The following EVL variants were observed in gnomAD, a reference collection of about 807,000 sequenced individuals.
EVL encodes the protein Enah/Vasp-like.
EVL carries 21 observed loss-of-function variants against 59.6 expected under a neutral mutation model. The ratio of observed to expected loss-of-function variants is 0.35; its 90% CI spans 0.25 to 0.51. The LOEUF is 0.51. Among genes scored for constraint, EVL ranks in the 20% least tolerant of loss-of-function variants. EVL has a pLI of 0.97. For missense variants in EVL, 462 were observed against 546.6 expected (o/e 0.85, Z 1.54); for synonymous variants, 198 against 203.5 (o/e 0.97, Z 0.23).
intron 1 of EVL, among the ~76,000 whole-genome samples, chr14:99,993,141 T>C (rs1473796177): frequency 1.4e-5 from 2 of 146,830 alleles, no homozygotes; most frequent in Non-Finnish European, 3.0e-5. Flanking sequence ...CACTGCAACC[T>C]CTGCCTGCCA....
intron 3 of EVL, among the ~76,000 whole-genome samples, chr14:100,115,057 C>A (rs1287578594): frequency 2.0e-5 from 3 of 147,374 alleles, no homozygotes; most frequent in Admixed American, 6.7e-5. Context: ...AAAAAAAAAA[C>A]AATGCAGTTA....
chr14:100,069,677 A>G (rs72711923), intron 1 of EVL, among the ~76,000 whole-genome samples: 2,716 of 152,266 alleles, frequency 0.018, 35 homozygotes, highest in Non-Finnish European at 0.027. Context: ...TCTAGTTGAG[A>G]AACATTCCTC....
chr14:99,998,676 AT>A (rs796902314), intron 1 of EVL, among the ~76,000 whole-genome samples: 55 of 152,146 alleles, frequency 3.6e-4, no homozygotes, highest in African/African-American at 1.1e-3. Context: ...ATGATTCCAA[AT>A]TTTTTTTATA....
upstream of EVL, among the ~76,000 whole-genome samples, chr14:100,063,711 C>T (rs1467075537): frequency 6.6e-6 from 1 of 152,176 alleles, no homozygotes; most frequent in East Asian, 1.9e-4. Flanking sequence ...ACCACCATGA[C>T]CTAATTGACA....
At chr14:99,993,762 C>T (rs1165434201) in intron 1 of EVL, among the ~76,000 whole-genome samples, 1 of 137,124 alleles carries the variant, frequency 7.3e-6, no homozygotes, top group Non-Finnish European at 1.5e-5. Context: ...GCGCAGTCTT[C>T]CCTCACTGCA....
Position 100,104,043 on chromosome 14 carries a change from G to A in EVL, c.358+6385G>A, listed in dbSNP as rs989957253. On this transcript the variant is annotated intron_variant, in intron 3 of 13. Transcript: ENST00000392920. ...TGCCCCAGTCGCCTGACCTGTACCT[G>A]CCCGTTGGTTGTTCTGAGGACTAAC... Among the ~76,000 whole-genome samples, 7 of 152,188 alleles carry A rather than the reference G, an allele frequency of 4.6e-5. No homozygotes were observed. In the East Asian group the frequency reaches 1.2e-3, roughly 25 times the overall value.
chr14:100,001,189 A>G (rs1359727941), intron 1 of EVL, among the ~76,000 whole-genome samples: 1 of 152,174 alleles, frequency 6.6e-6, no homozygotes, highest in Non-Finnish European at 1.5e-5. Flanking sequence ...TTTTCTTCTG[A>G]AGTTTAGTTG....
At chr14:100,036,196 C>T (rs563397815) in intron 1 of EVL, among the ~76,000 whole-genome samples, 34 of 152,256 alleles carry the variant, frequency 2.2e-4, no homozygotes, top group African/African-American at 8.2e-4. Context: ...AATCAAATGC[C>T]TGATGATCTG....
chr14:99,976,031 TTTTG>T (rs1394673552), intron 1 of EVL, among the ~76,000 whole-genome samples: 2 of 152,026 alleles, frequency 1.3e-5, no homozygotes, highest in Non-Finnish European at 2.9e-5. Context: ...TAAATTTCTT[TTTTG>T]TTTTTTATTT....
intron 6 of EVL, among the ~76,000 whole-genome samples, 188 bp from the exon 7 acceptor site, chr14:100,129,375 C>A (rs1283563982): frequency 1.3e-5 from 2 of 152,086 alleles, no homozygotes; most frequent in Non-Finnish European, 2.9e-5. Context: ...GGTCCTTGTC[C>A]CTCTCTCGAT....
intron 6 of EVL, 37 bp from the exon 7 acceptor site, chr14:100,129,523 TCAG>T: frequency 6.2e-7 from 1 of 1,611,184 alleles, no homozygotes; most frequent in Non-Finnish European, 8.5e-7. Context: ...TGTTCTGCCA[TCAG>T]CAGCAGAATC....
chr14:100,050,330 T>G (rs2061625899), intron 1 of EVL, among the ~76,000 whole-genome samples: 1 of 148,946 alleles, frequency 6.7e-6, no homozygotes, highest in Non-Finnish European at 1.5e-5. Context: ...TTTTAAAAAT[T>G]TGTGTATTTC....
chr14:100,014,375 A>G (rs1214117359), intron 1 of EVL, among the ~76,000 whole-genome samples: 3 of 152,262 alleles, frequency 2.0e-5, no homozygotes, highest in Non-Finnish European at 2.9e-5. Context: ...ATGAGTGAGA[A>G]CATGTGAAGT....
intron 1 of EVL, among the ~76,000 whole-genome samples, chr14:99,994,864 GA>G (rs2060902592): frequency 2.0e-5 from 3 of 152,176 alleles, no homozygotes; most frequent in Admixed American, 1.3e-4. Context: ...TGAAAGAAGG[GA>G]AAAAAGTCTT....
intron 3 of EVL, among the ~76,000 whole-genome samples, chr14:100,118,944 CG>C (rs1887525017): frequency 6.6e-6 from 1 of 152,236 alleles, no homozygotes; most frequent in East Asian, 1.9e-4. Context: ...CACAGTCCAG[CG>C]GGCCCTGGAG....
At chr14:100,142,955 A>G (rs1348765672) in intron 13 of EVL, among the ~76,000 whole-genome samples, 2 of 152,260 alleles carry the variant, frequency 1.3e-5, no homozygotes, top group East Asian at 1.9e-4. Flanking sequence ...CATGGGCCAT[A>G]CCAGGGGCTC....
intron 1 of EVL, among the ~76,000 whole-genome samples, chr14:100,004,698 A>G (rs2060967440): frequency 6.6e-6 from 1 of 152,138 alleles, no homozygotes; most frequent in Non-Finnish European, 1.5e-5. Context: ...TTCTCATATA[A>G]AATTATTTCT....
intron 1 of EVL, among the ~76,000 whole-genome samples, chr14:100,058,799 T>G (rs1298095639): frequency 1.3e-5 from 2 of 152,216 alleles, no homozygotes; most frequent in African/African-American, 4.8e-5. Flanking sequence ...ATTTTTTGCT[T>G]CTTTTCATAA....
In EVL at chr14:99,972,976, C is replaced by T. The variant is rs557576498; in HGVS notation, c.5+919C>T. Among the ~76,000 whole-genome samples the T allele has an allele frequency of 1.3e-5, 2 of 152,150 alleles. No individual in the cohort carries two copies. Among genetic ancestry groups the T allele is most frequent in the South Asian group, 2.1e-4 (1 of 4,820 alleles). On this transcript the variant is annotated intron_variant, in intron 1 of 13. Coordinates refer to the EVL transcript ENST00000402714. The surrounding 1 kb of genome is among the most constrained non-coding windows in gnomAD (Gnocchi z 4.4). ...TTTTCGAGATCCATTCCGTTGTAATCGTTATTTGTTCATTTTTATTGGTCT... is the reference window on the plus strand; with the variant it reads ...TTTTCGAGATCCATTCCGTTGTAATTGTTATTTGTTCATTTTTATTGGTCT...
Sources: allele counts gnomAD v4.1 joint callset (sites outside exome capture counted in the v4.1 genomes callset), GRCh38; gene constraint gnomAD v4.1.1; non-coding constraint Gnocchi (gnomAD v3.1); transcripts MANE v1.5; gene names NCBI Gene and HGNC (gene_info 2026-07-23, HGNC 2026-07-21).